Variants in WWOX observed in about 807,000 individuals in gnomAD.
The protein encoded by WWOX is WW domain containing oxidoreductase, also known as WW domain-containing oxidoreductase.
In WWOX, 69 loss-of-function variants were observed where a neutral mutation model predicts 46.2. The observed-to-expected ratio is 1.49, with a 90% CI of 1.23 to 1.82. The LOEUF is 1.82. WWOX is among the 40% of genes most tolerant of loss of function. WWOX has a pLI of 0.00. For synonymous variants in WWOX, 359 were observed against 202.6 expected (o/e 1.77, Z -6.56); for missense variants, 919 against 542.6 (o/e 1.69, Z -6.89).
In WWOX at chr16:78,345,455, TACCAAAAAAAAAAAAA is replaced by T. The variant is rs1209606754; in HGVS notation, c.517-41403_517-41388del. On this transcript the variant is annotated intron_variant, in intron 5 of 8. Transcript: ENST00000566780. The stretch of plus-strand genomic sequence containing the variant: ...GAGCACCATGGCAAAACCCCATCGC[TACCAAAAAAAAAAAAA>T]AAAAAAAAAAAAAAAAAAAAAAATT... 4.3e-4 allele frequency among the ~76,000 whole-genome samples: 7 copies of T among 16,448 alleles called. 1 individual carries two copies. Among genetic ancestry groups the T allele is most frequent in the Non-Finnish European group, 7.0e-4 (6 of 8,610 alleles). The allele number at this position is 16,448 out of a possible 152,430, so 10.8% of individuals were successfully genotyped here. A position where few individuals can be genotyped will look rare whatever the true frequency, so the allele number is the denominator to read the frequency against.
intron 8 of WWOX, among the ~76,000 whole-genome samples, chr16:78,654,732 A>AT (rs200277115): frequency 0.051 from 7,758 of 151,952 alleles, 280 homozygotes; most frequent in Non-Finnish European, 0.077. Flanking sequence ...GGGCCTGTGA[A>AT]TTTTTTTAAC....
intron 8 of WWOX, among the ~76,000 whole-genome samples, chr16:78,965,075 C>G (rs888955503): frequency 2.0e-5 from 3 of 152,216 alleles, no homozygotes; most frequent in African/African-American, 4.8e-5. Context: ...TGGAGAACCT[C>G]TGCTAGGGCA....
chr16:78,962,350 G>C (rs1254878084), intron 8 of WWOX, among the ~76,000 whole-genome samples: 2 of 115,216 alleles, frequency 1.7e-5, no homozygotes, highest in Non-Finnish European at 3.3e-5. Context: ...AAGAAGGAAT[G>C]TGATTGTGAA....
At chr16:79,050,009 A>G (rs1216934112) in intron 8 of WWOX, among the ~76,000 whole-genome samples, 1 of 152,114 alleles carries the variant, frequency 6.6e-6, no homozygotes, top group Non-Finnish European at 1.5e-5. Context: ...GTGATTGCAG[A>G]GTATGGGGCA....
At chr16:78,382,160 A>AGT (rs2081968504) in intron 5 of WWOX, among the ~76,000 whole-genome samples, 1 of 152,158 alleles carries the variant, frequency 6.6e-6, no homozygotes, top group African/African-American at 2.4e-5. Flanking sequence ...TCATGGACTG[A>AGT]GTTAGTTGTT....
At chr16:79,110,227 A>G (rs568888123) in intron 8 of WWOX, among the ~76,000 whole-genome samples, 5 of 152,286 alleles carry the variant, frequency 3.3e-5, no homozygotes, top group Admixed American at 3.3e-4. Flanking sequence ...CCAGGCAGGT[A>G]GGTTTGACTC....
intron 8 of WWOX, among the ~76,000 whole-genome samples, chr16:78,721,850 G>A (rs2048699413): frequency 6.6e-6 from 1 of 152,216 alleles, no homozygotes; most frequent in Non-Finnish European, 1.5e-5. Flanking sequence ...CATATGAAGA[G>A]GTTGGCAGAG....
At chr16:78,642,899 T>C (rs1345827204) in intron 8 of WWOX, among the ~76,000 whole-genome samples, 2 of 152,196 alleles carry the variant, frequency 1.3e-5, no homozygotes, top group African/African-American at 2.4e-5. Context: ...ATGGCACTCA[T>C]CCTACTTGGT....
intron 8 of WWOX, chr16:78,551,439 T>C (rs1413933995): frequency 1.3e-5 from 2 of 152,246 alleles, no homozygotes; most frequent in African/African-American, 2.4e-5. Flanking sequence ...ATTGCCCTGA[T>C]GTCTGGGAAA....
chr16:78,221,360 T>C lies in WWOX; in HGVS notation c.516+57071T>C, dbSNP rs146103534. Among the ~76,000 whole-genome samples, 1,038 of 152,304 alleles carry C rather than the reference T, an allele frequency of 6.8e-3. 15 individuals carry two copies. Among genetic ancestry groups the C allele is most frequent in the African/African-American group, 0.024 (991 of 41,570 alleles). ...TGAGAAAAGAGGAAGAAGGAAAAAG[T>C]GTAATATAAATACATAAAACTTCCT... On this transcript the variant is annotated intron_variant, in intron 5 of 8. Coordinates refer to ENST00000566780, the MANE Select transcript of WWOX (RefSeq NM_016373.4).
intron 8 of WWOX, chr16:78,996,371 C>G: frequency 1.7e-6 from 1 of 584,178 alleles, no homozygotes; most frequent in Non-Finnish European, 2.0e-6. Flanking sequence ...GTGAATTCTG[C>G]ACCCACCCCC....
rs1597404196 is a variant in WWOX, at chr16:78,658,318, C to G, written c.1056+225566C>G. On this transcript the variant is annotated intron_variant, in intron 8 of 8. Transcript: ENST00000566780. ...AATAAGACCCAAATAATAATATAAACTACTACTTTACTAATGGTCATTATG... is the reference window on the plus strand; with the variant it reads ...AATAAGACCCAAATAATAATATAAAGTACTACTTTACTAATGGTCATTATG... Among the ~76,000 whole-genome samples the G allele has an allele frequency of 2.6e-5, 4 of 152,274 alleles. No homozygotes were observed. The South Asian group carries it at 8.3e-4, about 32-fold the overall frequency.
intron 8 of WWOX, chr16:79,016,949 C>T (rs904693125): frequency 6.6e-6 from 1 of 152,208 alleles, no homozygotes; most frequent in Non-Finnish European, 1.5e-5. Flanking sequence ...ATCCGACCAC[C>T]TCGACCTCGA....
chr16:78,497,140 G>C (rs2667590), intron 8 of WWOX, among the ~76,000 whole-genome samples: 138,569 of 152,262 alleles, frequency 0.91, 63,554 homozygotes, highest in Non-Finnish European at 0.97. Flanking sequence ...TTAGGTGTAT[G>C]TCTGCTCATG....
intron 8 of WWOX, among the ~76,000 whole-genome samples, chr16:79,172,214 T>C (rs1349593876): frequency 6.6e-6 from 1 of 152,214 alleles, no homozygotes; most frequent in East Asian, 1.9e-4. Flanking sequence ...CCTTGTTTTA[T>C]TTCCCCACTT....
intron 3 of WWOX, among the ~76,000 whole-genome samples, chr16:78,114,609 A>C (rs1246900849): frequency 6.6e-6 from 1 of 152,142 alleles, no homozygotes; most frequent in East Asian, 1.9e-4. Context: ...AAGAGATTTA[A>C]TTGAAATCTA....
At chr16:79,127,960 A>G (rs2049794312) in intron 8 of WWOX, among the ~76,000 whole-genome samples, 1 of 152,216 alleles carries the variant, frequency 6.6e-6, no homozygotes, top group East Asian at 1.9e-4. Context: ...AGTTACGCAA[A>G]GGCCTGGTCT....
At chr16:78,647,529 T>C (rs573748977) in intron 8 of WWOX, among the ~76,000 whole-genome samples, 1 of 152,328 alleles carries the variant, frequency 6.6e-6, no homozygotes, top group East Asian at 1.9e-4. Flanking sequence ...GTCTGAGGTA[T>C]GCTAAGCCTA....
In WWOX at chr16:79,202,483, T is replaced by G. The variant is rs1312650343; in HGVS notation, c.1057-9125T>G. On this transcript the variant is annotated intron_variant, in intron 8 of 8. Transcript: ENST00000566780. Reference sequence around the variant, plus strand: ...TGTTTTTTAGGAAACCCAAAGAAAGTATGAAAAAGCCCAAGCCAAGTCCTT... The same window carrying G: ...TGTTTTTTAGGAAACCCAAAGAAAGGATGAAAAAGCCCAAGCCAAGTCCTT... 4.6e-5 allele frequency: 7 copies of G among 152,278 alleles called. No individual in the cohort carries two copies. The East Asian group carries it at 1.3e-3, about 29-fold the overall frequency. The allele number at this position is 152,278 out of a possible 1,614,324, so 9.4% of individuals were successfully genotyped here.
Sources: gnomAD v4.1 joint callset for allele counts (sites outside exome capture counted in the v4.1 genomes callset) on GRCh38, gnomAD v4.1.1 for gene constraint, MANE v1.5 for transcripts, NCBI Gene and HGNC (gene_info 2026-07-23, HGNC 2026-07-21) for gene names.